The following GAB2 variants were observed in gnomAD, a reference collection of about 807,000 sequenced individuals.
The protein encoded by GAB2 is GRB2-associated-binding protein 2.
GAB2 carries 26 observed loss-of-function variants against 65.5 expected under a neutral mutation model. The observed-to-expected ratio is 0.40, with a 90% confidence interval of 0.29 to 0.55. The LOEUF is 0.55. Ranked by LOEUF, GAB2 falls within the 20% of genes least tolerant of loss-of-function variation. The pLI, the probability that GAB2 is intolerant of heterozygous loss-of-function variation, is 0.53. For synonymous variants in GAB2, 321 were observed against 329.6 expected (o/e 0.97, Z 0.28); for missense variants, 884 against 875.8 (o/e 1.01, Z -0.12).
chr11:78,266,317 C>T (rs1007572799), intron 2 of GAB2, among the ~76,000 whole-genome samples: 4 of 151,586 alleles, frequency 2.6e-5, no homozygotes, highest in Admixed American at 6.6e-5. Context: ...CGTCCTTACC[C>T]TTGTCTCCCA....
At chr11:78,415,433 T>G (rs1455194982) in intron 1 of GAB2, among the ~76,000 whole-genome samples, 1 of 152,170 alleles carries the variant, frequency 6.6e-6, no homozygotes, top group Non-Finnish European at 1.5e-5. Flanking sequence ...GAGTTTTAAC[T>G]TACAACAGGA....
At chr11:78,292,314 G>A (rs1866704754) in intron 1 of GAB2, among the ~76,000 whole-genome samples, 1 of 152,160 alleles carries the variant, frequency 6.6e-6, no homozygotes, top group Non-Finnish European at 1.5e-5. Flanking sequence ...GTAATGTCTT[G>A]CCCCTTCTAC....
chr11:78,393,599 T>C (rs1370505554), intron 1 of GAB2, among the ~76,000 whole-genome samples: 2 of 152,224 alleles, frequency 1.3e-5, no homozygotes, highest in Non-Finnish European at 2.9e-5. Flanking sequence ...CAAATAATTA[T>C]ACCCTTTGAA....
intron 2 of GAB2, among the ~76,000 whole-genome samples, chr11:78,253,285 T>C (rs2511166): frequency 0.3 from 45,197 of 151,956 alleles, 8,786 homozygotes; most frequent in African/African-American, 0.55. Context: ...TGAGCCACCA[T>C]GCCCAGTCAA....
chr11:78,357,863 C>T (rs1019374418), intron 1 of GAB2, among the ~76,000 whole-genome samples: 3 of 152,176 alleles, frequency 2.0e-5, no homozygotes, highest in Non-Finnish European at 4.4e-5. Flanking sequence ...TAAACTGGTT[C>T]AACCATTGTG....
intron 1 of GAB2, among the ~76,000 whole-genome samples, chr11:78,368,422 C>CA (rs1000699849): frequency 7.2e-5 from 11 of 152,048 alleles, no homozygotes; most frequent in African/African-American, 2.4e-4. Context: ...TTATCCTGGA[C>CA]AAAAAAATTT....
intron 3 of GAB2, among the ~76,000 whole-genome samples, chr11:78,247,994 C>T (rs982465984): frequency 2.0e-5 from 3 of 152,196 alleles, no homozygotes; most frequent in East Asian, 1.9e-4. Context: ...TCCTCAGCTG[C>T]GTAAAGTTCT....
At chr11:78,374,528 C>T (rs962753373) in intron 1 of GAB2, among the ~76,000 whole-genome samples, 2 of 152,134 alleles carry the variant, frequency 1.3e-5, no homozygotes, top group African/African-American at 4.8e-5. Context: ...AGTTGTTACA[C>T]CTTACTCATC....
Position 78,221,140 on chromosome 11 carries a change from G to A in GAB2, c.1761+537C>T, listed in dbSNP as rs190181351. ...CTGGAAGTCTTATTCTAATGAGAAG[G>A]TGATAGTCCTGTGTTCTGTTTGTTG... On this transcript the variant is annotated intron_variant, in intron 8 of 9. Transcript: ENST00000361507. Among the ~76,000 whole-genome samples the A allele has an allele frequency of 6.6e-5, 10 of 152,338 alleles. No individual in the cohort carries two copies. The East Asian group carries it at 1.9e-3, about 29-fold the overall frequency.
At chr11:78,407,975 G>C (rs1302090655) in intron 1 of GAB2, among the ~76,000 whole-genome samples, 1 of 152,108 alleles carries the variant, frequency 6.6e-6, no homozygotes, top group South Asian at 2.1e-4. Flanking sequence ...AGGGGAAAAT[G>C]AGACCTTCTC....
At chr11:78,297,964 G>A (rs1347720026) in intron 1 of GAB2, among the ~76,000 whole-genome samples, 1 of 152,126 alleles carries the variant, frequency 6.6e-6, no homozygotes, top group East Asian at 1.9e-4. Flanking sequence ...GGGCATATAA[G>A]AGAAAAGATA....
At chr11:78,373,680 T>C (rs934083638) in intron 1 of GAB2, among the ~76,000 whole-genome samples, 3 of 152,176 alleles carry the variant, frequency 2.0e-5, no homozygotes, top group Non-Finnish European at 4.4e-5. Context: ...ACTTAAGTAA[T>C]ACATGTAAAT....
intron 1 of GAB2, among the ~76,000 whole-genome samples, chr11:78,348,936 AC>A (rs1427237661): frequency 6.6e-6 from 1 of 152,264 alleles, no homozygotes; most frequent in Non-Finnish European, 1.5e-5. Flanking sequence ...AATAAGCTGC[AC>A]AAAAAGTGTA....
intron 1 of GAB2, among the ~76,000 whole-genome samples, chr11:78,406,381 AT>A (rs56317311): frequency 0.22 from 32,163 of 147,608 alleles, 3,667 homozygotes; most frequent in East Asian, 0.43. Context: ...TCCACGTTTA[AT>A]TTTTTTTTTT....
At chr11:78,369,781 G>T (rs1418588266) in intron 1 of GAB2, among the ~76,000 whole-genome samples, 1 of 152,106 alleles carries the variant, frequency 6.6e-6, no homozygotes, top group African/African-American at 2.4e-5. Context: ...AGTATACTCG[G>T]ACACTACTAT....
intron 1 of GAB2, among the ~76,000 whole-genome samples, chr11:78,307,609 A>G (rs867500983): frequency 1.2e-4 from 17 of 146,356 alleles, no homozygotes; most frequent in Non-Finnish European, 1.7e-4. Context: ...AATGTTAGAG[A>G]GAGAGAGAGA....
rs183156679 is a variant in GAB2 at position 78,273,078 on chromosome 11, G to A, written c.376+7523C>T. On this transcript the variant is annotated intron_variant, in intron 2 of 9. Coordinates refer to ENST00000361507, the MANE Select transcript of GAB2 (RefSeq NM_080491.3). ...TGGAAGTATGGATGCCCAGGCAGAA[G>A]TTTGTTGCAGGTGTGGGGCCCTCAT... 7.3e-3 allele frequency among the ~76,000 whole-genome samples: 1,114 copies of A among 152,370 alleles called. 4 individuals are homozygous for A. Among genetic ancestry groups the A allele is most frequent in the Non-Finnish European group, 0.011 (732 of 68,034 alleles).
At chr11:78,312,185 T>TA (rs11447471) in intron 1 of GAB2, among the ~76,000 whole-genome samples, 22,581 of 137,998 alleles carry the variant, frequency 0.16, 2,203 homozygotes, top group East Asian at 0.41. Context: ...CTGTGGAGTT[T>TA]AAAAAAAAAA....
intron 3 of GAB2, among the ~76,000 whole-genome samples, chr11:78,246,893 G>T (rs949643818): frequency 2.6e-5 from 4 of 152,178 alleles, no homozygotes; most frequent in African/African-American, 9.7e-5. Context: ...TCTTCTTTCA[G>T]TTCACATAGG....
Sources: gnomAD v4.1 joint callset for allele counts (sites outside exome capture counted in the v4.1 genomes callset) on GRCh38, gnomAD v4.1.1 for gene constraint, MANE v1.5 for transcripts, NCBI Gene and HGNC (gene_info 2026-07-23, HGNC 2026-07-21) for gene names.